Variants in PRKCA observed in about 807,000 individuals in gnomAD.
PRKCA encodes the protein protein kinase C alpha type.
PRKCA carries 27 observed loss-of-function variants against 87.0 expected under a neutral mutation model. The observed-to-expected ratio is 0.31, with a 90% confidence interval of 0.23 to 0.43. The LOEUF (loss-of-function observed/expected upper bound fraction) is 0.43. Among genes scored for constraint, PRKCA ranks in the 20% least tolerant of loss-of-function variants. The pLI is 1.00. For missense variants in PRKCA, 518 were observed against 852.3 expected (o/e 0.61, Z 4.88); for synonymous variants, 329 against 311.1 (o/e 1.06, Z -0.61).
intron 11 of PRKCA, among the ~76,000 whole-genome samples, chr17:66,739,149 G>A (rs977385324): frequency 3.9e-5 from 6 of 152,174 alleles, no homozygotes; most frequent in South Asian, 2.1e-4. Context: ...CCCAAAGTGC[G>A]GGGATTACAG....
rs116654750 is a variant in PRKCA, at chr17:66,541,034, G to T, written c.288+44751G>T. On this transcript the variant is annotated intron_variant, in intron 3 of 16. Transcript: ENST00000413366. ...GTGGCTGTTACTAGCTGTTTCCACT[G>T]GTATTCTCTGGCCATCTCAGAGCTG... Among the ~76,000 whole-genome samples, 1,335 of 152,250 alleles carry T rather than the reference G, an allele frequency of 8.8e-3. 24 individuals carry two copies. The highest frequency in any genetic ancestry group is 0.031 in the African/African-American group (1,279 of 41,532).
intron 2 of PRKCA, chr17:66,339,741 G>T (rs1308958464): frequency 6.6e-6 from 1 of 152,130 alleles, no homozygotes; most frequent in African/African-American, 2.4e-5. Flanking sequence ...TTAAATAGAA[G>T]CTGTTTCCTT....
rs531466744 is a variant in PRKCA, at chr17:66,494,459, G to C, written c.206-1742G>C. ...GTGGCAGAAGGCAGAAGGGCAAAGA[G>C]ACAAAAGGGGGCTCTACTCACCTTT... On this transcript the variant is annotated intron_variant, in intron 2 of 16. Transcript: ENST00000413366. Among the ~76,000 whole-genome samples, 17 of 152,282 alleles carry C rather than the reference G, an allele frequency of 1.1e-4. No homozygotes were observed. The East Asian group carries it at 2.5e-3, about 23-fold the overall frequency.
At chr17:66,464,167 A>G (rs1295337482) in intron 2 of PRKCA, among the ~76,000 whole-genome samples, 1 of 152,076 alleles carries the variant, frequency 6.6e-6, no homozygotes, top group Non-Finnish European at 1.5e-5. Flanking sequence ...ACACTTAGCA[A>G]TATGCATTTA....
chr17:66,661,315 T>TAGGGGGGGGGGGGGGGGGG (rs1971898847), intron 5 of PRKCA, among the ~76,000 whole-genome samples: 1 of 61,004 alleles, frequency 1.6e-5, no homozygotes, highest in Admixed American at 2.0e-4. Flanking sequence ...GGGTGGGAGG[T>TAGGGGGGGGGGGGGGGGGG]GGGAGACATT....
At chr17:66,541,441 T>C (rs1967984914) in intron 3 of PRKCA, among the ~76,000 whole-genome samples, 1 of 152,218 alleles carries the variant, frequency 6.6e-6, no homozygotes, top group Admixed American at 6.5e-5. Flanking sequence ...TATATTGATT[T>C]CTGCGGCAAA....
chr17:66,656,674 GAAAT>G (rs1174950734), intron 5 of PRKCA, among the ~76,000 whole-genome samples: 1 of 152,132 alleles, frequency 6.6e-6, no homozygotes, highest in East Asian at 1.9e-4. Context: ...GAGGGAAGAC[GAAAT>G]AAATAACAGA....
chr17:66,657,769 T>C (rs1303027054), intron 5 of PRKCA, among the ~76,000 whole-genome samples: 2 of 152,124 alleles, frequency 1.3e-5, no homozygotes, highest in African/African-American at 4.8e-5. Context: ...GACCCTGAAG[T>C]CTGTTTCAAT....
intron 2 of PRKCA, among the ~76,000 whole-genome samples, chr17:66,351,400 T>C (rs1348730569): frequency 6.6e-6 from 1 of 152,204 alleles, no homozygotes; most frequent in Non-Finnish European, 1.5e-5. Context: ...ATGGTATGTG[T>C]TTTAGTCTGT....
chr17:66,711,824 T>C (rs982571721), intron 8 of PRKCA, among the ~76,000 whole-genome samples: 3 of 152,218 alleles, frequency 2.0e-5, no homozygotes, highest in Non-Finnish European at 4.4e-5. Context: ...TTTTAGAGTT[T>C]CTCATCTCTA....
intron 2 of PRKCA, among the ~76,000 whole-genome samples, chr17:66,363,276 C>A (rs2143490520): frequency 6.6e-6 from 1 of 152,302 alleles, no homozygotes; most frequent in South Asian, 2.1e-4. Context: ...ATTTAGTCAA[C>A]CCTTTTGTTA....
At chr17:66,631,490 C>T (rs530952562) in intron 3 of PRKCA, among the ~76,000 whole-genome samples, 12 of 152,258 alleles carry the variant, frequency 7.9e-5, no homozygotes, top group East Asian at 5.8e-4. Flanking sequence ...ATGATCATGG[C>T]GCATTACAGC....
At chr17:66,438,560 T>A (rs979225242) in intron 2 of PRKCA, among the ~76,000 whole-genome samples, 41 of 152,140 alleles carry the variant, frequency 2.7e-4, no homozygotes, top group African/African-American at 9.9e-4. Context: ...GTTATTTCAT[T>A]TAAAACAGAG....
At position 66,803,962 on chromosome 17, in the gene PRKCA, A is replaced by T; in HGVS notation, c.1944A>T (p.Ile648=). The T allele has an allele frequency of 6.2e-7, 1 of 1,614,070 alleles. No homozygotes were observed. The highest frequency in any genetic ancestry group is 8.5e-7 in the Non-Finnish European group (1 of 1,179,986). Residue 648 remains isoleucine, a synonymous_variant, in exon 17 of 17, where the codon ATA becomes ATT. Coordinates refer to ENST00000413366, the MANE Select transcript of PRKCA (RefSeq NM_002737.3). The surrounding 1 kb of genome is among the most constrained non-coding windows in gnomAD (Gnocchi z 4.4). ...CTGATCAGCTGGTTATTGCTAACAT[A>T]GACCAGTCTGATTTTGAAGGGTTCT... The part of the protein sequence containing the change: ...TPPDQLVIAN[I]DQSDFEGFSY...
At chr17:66,369,058 T>C (rs1908937324) in intron 2 of PRKCA, among the ~76,000 whole-genome samples, 1 of 152,194 alleles carries the variant, frequency 6.6e-6, no homozygotes, top group Admixed American at 6.5e-5. Context: ...TCCCAAGTGG[T>C]TGTGAAAGGG....
At chr17:66,751,941 C>T (rs143113634) in intron 13 of PRKCA, among the ~76,000 whole-genome samples, 56 of 152,330 alleles carry the variant, frequency 3.7e-4, no homozygotes, top group Non-Finnish European at 6.2e-4. Flanking sequence ...TAGCACTAGG[C>T]GGATGATGCT....
intron 3 of PRKCA, chr17:66,554,633 A>G: frequency 2.8e-6 from 2 of 722,748 alleles, no homozygotes; most frequent in Non-Finnish European, 3.4e-6. Context: ...GGGGGGCACT[A>G]GCAAATAAAT....
chr17:66,671,320 G>A (rs1972178107), intron 5 of PRKCA, among the ~76,000 whole-genome samples: 1 of 151,954 alleles, frequency 6.6e-6, no homozygotes, highest in Admixed American at 6.6e-5. Context: ...AAGTGGGGGG[G>A]TTTAAGAATG....
chr17:66,532,182 G>T (rs1368077402), intron 3 of PRKCA, among the ~76,000 whole-genome samples: 1 of 151,216 alleles, frequency 6.6e-6, no homozygotes, highest in Non-Finnish European at 1.5e-5. Flanking sequence ...ACAACCTTGA[G>T]TCCCTTGAGT....
Sources: gnomAD v4.1 joint callset for allele counts (sites outside exome capture counted in the v4.1 genomes callset) on GRCh38, gnomAD v4.1.1 for gene constraint, Gnocchi (gnomAD v3.1) non-coding constraint, MANE v1.5 for transcripts, NCBI Gene and HGNC (gene_info 2026-07-23, HGNC 2026-07-21) for gene names.